Variants in SUGCT observed in about 807,000 individuals in gnomAD.
SUGCT encodes succinyl-CoA:glutarate CoA-transferase.
A neutral mutation model predicts 55.0 loss-of-function variants in SUGCT; 41 were observed. The observed-to-expected ratio is 0.74, with a 90% CI of 0.58 to 0.97. SUGCT has a LOEUF of 0.97. SUGCT is among the 50% of genes least tolerant of loss of function. SUGCT has a pLI of 0.00. For missense variants in SUGCT, 568 were observed against 547.8 expected (o/e 1.04, Z -0.37); for synonymous variants, 187 against 200.4 (o/e 0.93, Z 0.56).
chr7:40,986,022 C>T, the SUGCT span, among the ~76,000 whole-genome samples: 5 of 152,288 alleles, frequency 3.3e-5, no homozygotes, highest in Middle Eastern at 3.4e-3. Context: ...TTTAAAAACA[C>T]AGTAGGCCAG....
At chr7:40,949,268 T>C in the SUGCT span, among the ~76,000 whole-genome samples, 3 of 152,254 alleles carry the variant, frequency 2.0e-5, no homozygotes, top group East Asian at 5.8e-4. Flanking sequence ...GAGAAGTGTC[T>C]GTTCATATCC....
At chr7:40,317,293 A>G (rs1795494729) in intron 9 of SUGCT, among the ~76,000 whole-genome samples, 1 of 152,122 alleles carries the variant, frequency 6.6e-6, no homozygotes, top group South Asian at 2.1e-4. Flanking sequence ...ATGGTTCTTC[A>G]TTTTTGGAAC....
the SUGCT span, among the ~76,000 whole-genome samples, chr7:40,939,075 A>C: frequency 1.3e-5 from 2 of 152,184 alleles, no homozygotes; most frequent in African/African-American, 4.8e-5. Context: ...GACCCGAGAC[A>C]GGGCAATTTA....
chr7:40,707,878 A>G (rs1326931661), intron 12 of SUGCT, among the ~76,000 whole-genome samples: 1 of 152,238 alleles, frequency 6.6e-6, no homozygotes, highest in Non-Finnish European at 1.5e-5. Context: ...ATAAATCATA[A>G]TGGAAATATC....
Position 40,147,678 on chromosome 7 carries a change from C to T in SUGCT, c.100+12558C>T, listed in dbSNP as rs942125443. On this transcript the variant is annotated intron_variant, in intron 1 of 13. Coordinates refer to ENST00000335693, the MANE Select transcript of SUGCT (RefSeq NM_001193313.2). ...TGCTGGCCAGTTTCTCTCCGCGTTG[C>T]TGAGAGCTCGGGTTATTCCTCCCAC... is the stretch of plus-strand genomic sequence containing the variant. Among the ~76,000 whole-genome samples the T allele has an allele frequency of 6.6e-5, 10 of 152,312 alleles. No individual in the cohort carries two copies. The East Asian group carries it at 1.4e-3, about 21-fold the overall frequency.
At chr7:40,335,197 GC>G (rs1796611534) in intron 9 of SUGCT, among the ~76,000 whole-genome samples, 2 of 152,208 alleles carry the variant, frequency 1.3e-5, no homozygotes, top group African/African-American at 4.8e-5. Context: ...GATGCCTCTA[GC>G]TTTGTTCTTT....
chr7:40,337,086 TA>T (rs1261257480), intron 9 of SUGCT, among the ~76,000 whole-genome samples: 4 of 152,244 alleles, frequency 2.6e-5, no homozygotes, highest in Non-Finnish European at 4.4e-5. Flanking sequence ...TCCTGAGTTC[TA>T]GTTTGGTTGC....
At chr7:40,267,700 C>A (rs1423721199) in intron 7 of SUGCT, among the ~76,000 whole-genome samples, 1 of 152,114 alleles carries the variant, frequency 6.6e-6, no homozygotes, top group African/African-American at 2.4e-5. Context: ...CTGATTTTGT[C>A]TTCTTGCACC....
intron 12 of SUGCT, among the ~76,000 whole-genome samples, chr7:40,725,533 T>G (rs559440131): frequency 6.6e-6 from 1 of 152,244 alleles, no homozygotes; most frequent in South Asian, 2.1e-4. Context: ...ACATAACACA[T>G]TGAGGGTCAT....
chr7:40,717,236 T>C (rs1033860102), intron 12 of SUGCT, among the ~76,000 whole-genome samples: 1 of 152,222 alleles, frequency 6.6e-6, no homozygotes, highest in African/African-American at 2.4e-5. Flanking sequence ...AAGCAGGCTC[T>C]TGTCACACGA....
At chr7:40,464,851 T>C (rs904508926) in intron 11 of SUGCT, among the ~76,000 whole-genome samples, 5 of 152,168 alleles carry the variant, frequency 3.3e-5, no homozygotes, top group Non-Finnish European at 7.4e-5. Flanking sequence ...GTTTGGTAGG[T>C]TAGGTATATT....
At chr7:40,982,003 A>G in the SUGCT span, among the ~76,000 whole-genome samples, 2 of 152,254 alleles carry the variant, frequency 1.3e-5, no homozygotes, top group Non-Finnish European at 2.9e-5. Flanking sequence ...AAGTTGACAC[A>G]TAAAATTAGC....
intron 12 of SUGCT, among the ~76,000 whole-genome samples, chr7:40,614,595 G>T (rs529028876): frequency 6.6e-6 from 1 of 152,030 alleles, no homozygotes; most frequent in Non-Finnish European, 1.5e-5. Flanking sequence ...TTTTTTTAAA[G>T]ATTAATGAGG....
intron 12 of SUGCT, among the ~76,000 whole-genome samples, chr7:40,619,043 C>T (rs969583931): frequency 1.1e-4 from 17 of 152,176 alleles, no homozygotes; most frequent in African/African-American, 4.1e-4. Context: ...CACTCCCTAC[C>T]TCTACCTCCT....
intron 12 of SUGCT, among the ~76,000 whole-genome samples, chr7:40,543,250 G>C (rs1794802113): frequency 6.6e-6 from 1 of 152,158 alleles, no homozygotes; most frequent in Non-Finnish European, 1.5e-5. Flanking sequence ...CTGAAAATAT[G>C]ATTTTACATG....
intron 12 of SUGCT, among the ~76,000 whole-genome samples, chr7:40,642,557 G>A (rs1800317994): frequency 6.6e-6 from 1 of 152,112 alleles, no homozygotes; most frequent in East Asian, 1.9e-4. Flanking sequence ...TATATTTACT[G>A]GTCCCTGTCC....
chr7:40,812,059 T>C (rs557014860), intron 13 of SUGCT, among the ~76,000 whole-genome samples: 12 of 152,312 alleles, frequency 7.9e-5, no homozygotes, highest in Admixed American at 2.0e-4. Context: ...GTGAAGCACA[T>C]TTATTGATTT....
At chr7:40,784,512 A>G (rs951810778) in intron 13 of SUGCT, among the ~76,000 whole-genome samples, 13 of 152,180 alleles carry the variant, frequency 8.5e-5, no homozygotes, top group Non-Finnish European at 1.3e-4. Flanking sequence ...GAACTCTTGT[A>G]GACTAATCCC....
In SUGCT at chr7:40,403,729, G is replaced by GTC. The variant is rs1200502698; in HGVS notation, c.817-45556_817-45555dup. On this transcript the variant is annotated intron_variant, in intron 9 of 13. Transcript: ENST00000335693. ...TGTGATTAGATGATTCACAACTTCT[G>GTC]TCTACTCAATTTCTTCATAGTAGAA... 2.0e-5 allele frequency among the ~76,000 whole-genome samples: 3 copies of GTC among 152,284 alleles called. No homozygotes were observed. The East Asian group carries it at 5.8e-4, about 29-fold the overall frequency.
Sources: allele counts gnomAD v4.1 joint callset (sites outside exome capture counted in the v4.1 genomes callset), GRCh38; gene constraint gnomAD v4.1.1; transcripts MANE v1.5; gene names NCBI Gene and HGNC (gene_info 2026-07-23, HGNC 2026-07-21).